KIAA0586: variants seen among roughly 807,000 people sequenced by gnomAD.
KIAA0586 encodes KIAA0586.
Under a neutral mutation model 169.8 loss-of-function variants are expected in KIAA0586, and 144 were observed. The ratio of observed to expected loss-of-function variants is 0.85; its 90% confidence interval spans 0.74 to 0.97. KIAA0586 has a LOEUF of 0.97. Among genes scored for constraint, KIAA0586 ranks in the 50% least tolerant of loss-of-function variants. KIAA0586 has a pLI of 0.00. For synonymous variants in KIAA0586, 625 were observed against 612.4 expected, an observed-to-expected ratio of 1.02 and a Z score of -0.30; for missense variants, 1,854 against 1,823.0, an observed-to-expected ratio of 1.02 and a Z score of -0.31.
intron 30 of KIAA0586, among the ~76,000 whole-genome samples, chr14:58,544,738 C>T (rs1462293114): frequency 6.6e-6 from 1 of 152,146 alleles, no homozygotes; most frequent in East Asian, 1.9e-4. Flanking sequence ...CTTATAGATG[C>T]TGGATATTAG....
chr14:58,528,487 A>C (rs771883281), intron 29 of KIAA0586, among the ~76,000 whole-genome samples: 4 of 152,226 alleles, frequency 2.6e-5, no homozygotes, highest in African/African-American at 4.8e-5. Context: ...AAAAGAACAG[A>C]AATCATAATA....
At chr14:58,450,934 C>G (rs539276299) in intron 8 of KIAA0586, among the ~76,000 whole-genome samples, 188 bp downstream of exon 8, 2 of 148,456 alleles carry the variant, frequency 1.3e-5, no homozygotes, top group Admixed American at 1.3e-4. Flanking sequence ...ATTATTTTAT[C>G]TTTTACAGGT....
intron 27 of KIAA0586, among the ~76,000 whole-genome samples, chr14:58,505,158 C>T (rs1276954505): frequency 1.3e-5 from 2 of 152,136 alleles, no homozygotes; most frequent in South Asian, 2.1e-4. Context: ...TGCACACATG[C>T]ATGTACAATA....
At chr14:58,427,652 G>T, upstream of KIAA0586, 1 of 1,535,654 alleles carries the variant, frequency 6.5e-7, no homozygotes, top group South Asian at 1.2e-5. Context: ...GTTTCTTGGC[G>T]CGCATGCGTG....
intron 9 of KIAA0586, among the ~76,000 whole-genome samples, chr14:58,454,040 T>A (rs1258976197): frequency 3.3e-5 from 5 of 152,210 alleles, no homozygotes; most frequent in African/African-American, 1.2e-4. Flanking sequence ...GTAATGTAAT[T>A]ACTGATAAGG....
rs932048683 is a variant in KIAA0586, at chr14:58,506,117, C to T, written c.4169-2438C>T. 7.2e-5 allele frequency among the ~76,000 whole-genome samples: 11 copies of T among 152,068 alleles called. 1 individual carries two copies. Among genetic ancestry groups the T allele is most frequent in the Admixed American group, 6.5e-4 (10 of 15,286 alleles). Reference sequence around the variant, plus strand: ...TACCATATATCAGCAAAAGAGTTTTCAATATCTTCTTTTTTTAACATTATA... The same window carrying T: ...TACCATATATCAGCAAAAGAGTTTTTAATATCTTCTTTTTTTAACATTATA... On this transcript the variant is annotated intron_variant, in intron 27 of 30. Coordinates refer to ENST00000652326, the MANE Select transcript of KIAA0586 (RefSeq NM_001329943.3).
At chr14:58,476,794 A>G (rs1188953838) in intron 19 of KIAA0586, among the ~76,000 whole-genome samples, 1 of 150,454 alleles carries the variant, frequency 6.6e-6, no homozygotes, top group African/African-American at 2.5e-5. Context: ...CAGCCTCTTG[A>G]GTAGCTGGGA....
intron 21 of KIAA0586, among the ~76,000 whole-genome samples, chr14:58,483,194 A>G (rs1290800808): frequency 6.6e-6 from 1 of 152,162 alleles, no homozygotes; most frequent in Non-Finnish European, 1.5e-5. Flanking sequence ...TATCTCATGA[A>G]TACTGTTCTT....
intron 27 of KIAA0586, among the ~76,000 whole-genome samples, chr14:58,503,780 C>T (rs1157452035): frequency 7.7e-6 from 1 of 129,424 alleles, no homozygotes; most frequent in Non-Finnish European, 1.6e-5. Context: ...ACCTTTCAGA[C>T]AGAATATGCA....
At chr14:58,552,276 G>A (rs1055603935), downstream of KIAA0586, among the ~76,000 whole-genome samples, 1 of 152,202 alleles carries the variant, frequency 6.6e-6, no homozygotes, top group African/African-American at 2.4e-5. Context: ...CTAGGTAGGA[G>A]AATGAGGGGT....
intron 30 of KIAA0586, among the ~76,000 whole-genome samples, chr14:58,543,143 A>G (rs1413038292): frequency 3.3e-5 from 5 of 151,412 alleles, no homozygotes; most frequent in East Asian, 1.9e-4. Context: ...AAAAAAAAAA[A>G]AAAAGAAAAG....
At chr14:58,483,603 A>G (rs2042181143) in intron 21 of KIAA0586, among the ~76,000 whole-genome samples, 1 of 152,184 alleles carries the variant, frequency 6.6e-6, no homozygotes, top group Non-Finnish European at 1.5e-5. Flanking sequence ...AGGATCATAC[A>G]TTGCTTTGCG....
chr14:58,491,045 G>A (rs2042806918), intron 25 of KIAA0586, among the ~76,000 whole-genome samples: 1 of 152,056 alleles, frequency 6.6e-6, no homozygotes, highest in African/African-American at 2.4e-5. Context: ...AGAGAGCATA[G>A]CAATCACTTT....
Position 58,457,811 on chromosome 14 carries a change from T to C in KIAA0586, c.1415T>C (p.Val472Ala), listed in dbSNP as rs2039998788. The C allele has an allele frequency of 6.2e-7, 1 of 1,608,202 alleles. No individual in the cohort carries two copies. The highest frequency in any genetic ancestry group is 1.7e-5 in the Admixed American group (1 of 59,348). Residue 472 changes from valine to alanine, a missense_variant, in exon 11 of 31, where the codon GTT (valine) becomes GCT (alanine). Coordinates refer to ENST00000652326, the MANE Select transcript of KIAA0586 (RefSeq NM_001329943.3). Reference protein sequence around the residue: ...LKLPDLPQNSVKLQTTNTTRS... With the variant: ...LKLPDLPQNSAKLQTTNTTRS... Reference sequence around the variant, plus strand: ...CTTCCAGATCTTCCACAGAATTCTGTTAAGCTTCAAACAACCAATACAACA... The same window carrying C: ...CTTCCAGATCTTCCACAGAATTCTGCTAAGCTTCAAACAACCAATACAACA...
downstream of KIAA0586, among the ~76,000 whole-genome samples, chr14:58,553,327 A>G (rs371069791): frequency 4.6e-5 from 7 of 152,186 alleles, no homozygotes; most frequent in Admixed American, 1.3e-4. Context: ...CTAGAAATGG[A>G]TAACAGGTCC....
chr14:58,548,171 A>G lies in KIAA0586; in HGVS notation c.*239A>G, dbSNP rs1223061154. The G allele has an allele frequency of 2.4e-6, 1 of 412,536 alleles. No individual in the cohort carries two copies. The highest frequency in any genetic ancestry group is 4.2e-5 in the Admixed American group (1 of 24,054). The allele number at this position is 412,536 out of a possible 1,614,324, so 25.6% of individuals were successfully genotyped here. ...TTAGAATCCTGAGATAGCATAGAGT[A>G]GTGAAAGGGCATGGCTTTTGACATC... is the stretch of plus-strand genomic sequence containing the variant. On this transcript the variant is annotated 3_prime_UTR_variant, in exon 31 of 31. Coordinates refer to ENST00000652326, the MANE Select transcript of KIAA0586 (RefSeq NM_001329943.3).
At chr14:58,440,065 T>C (rs778261751) in intron 4 of KIAA0586, 54 of 241,560 alleles carry the variant, frequency 2.2e-4, no homozygotes, top group South Asian at 2.0e-3. Context: ...TTTTTTTTTT[T>C]CTAGAGACAG....
At position 58,465,258 on chromosome 14, in the gene KIAA0586, A is replaced by T. The variant is rs1226219062; in HGVS notation, c.2060-577A>T. 8.5e-5 allele frequency among the ~76,000 whole-genome samples: 13 copies of T among 152,330 alleles called. No homozygotes were observed. In the South Asian group the frequency reaches 2.7e-3, roughly 32 times the overall value. On this transcript the variant is annotated intron_variant, in intron 14 of 30. Transcript: ENST00000652326. ...GTAAGTATAGAATTTGATTGTCTGT[A>T]CATAATTTAAAAAGATAAAGCTGGT...
chr14:58,440,302 CT>C, intron 4 of KIAA0586: 1 of 365,654 alleles, frequency 2.7e-6, no homozygotes. Flanking sequence ...CTCTCTCTCT[CT>C]CTTCCTCCCT....
Sources: gnomAD v4.1 joint callset for allele counts (sites outside exome capture counted in the v4.1 genomes callset) on GRCh38, gnomAD v4.1.1 for gene constraint, MANE v1.5 for transcripts, NCBI Gene and HGNC (gene_info 2026-07-23, HGNC 2026-07-21) for gene names.